The following SYMPK variants were observed in gnomAD, a reference collection of about 807,000 sequenced individuals.
SYMPK encodes the protein symplekin scaffold protein.
In SYMPK, 49 loss-of-function variants were observed where a neutral mutation model predicts 136.4. The observed-to-expected ratio is 0.36, with a 90% CI of 0.29 to 0.46. The LOEUF is 0.46. Among genes scored for constraint, SYMPK ranks in the 20% least tolerant of loss-of-function variants. The pLI is 1.00. For missense variants in SYMPK, 1,365 were observed against 1,690.0 expected (o/e 0.81, Z 3.37); for synonymous variants, 766 against 713.0 (o/e 1.07, Z -1.19).
chr19:45,861,868 A>G (rs1971975070), intron 1 of SYMPK: 1 of 152,036 alleles, frequency 6.6e-6, no homozygotes, highest in East Asian at 1.9e-4. Flanking sequence ...AACACAGAGA[A>G]ACCCCGTCTC....
rs1051312304 is a variant in SYMPK at position 45,856,617 on chromosome 19, T to G, written c.-12-2110A>C. ...GGCTAAGTATACTATTATTTTTATG[T>G]ACATGGGAAAAGATCTGAAGGCTAC... On this transcript the variant is annotated intron_variant, in intron 1 of 26. Coordinates refer to ENST00000245934, the MANE Select transcript of SYMPK (RefSeq NM_004819.3). Among the ~76,000 whole-genome samples, 3 of 152,266 alleles carry G rather than the reference T, an allele frequency of 2.0e-5. No homozygotes were observed. The South Asian group carries it at 6.2e-4, about 32-fold the overall frequency.
Position 45,847,917 on chromosome 19 carries a change from G to A in SYMPK, c.511C>T (p.Leu171=), listed in dbSNP as rs1971606293. ...VSAMAGDIIL[L]LDSDNDGIRT... The stretch of plus-strand genomic sequence containing the variant: ...ATGCCGTCATTGTCAGAGTCCAATA[G>A]CAGGATGATGTCCCCCGCCATGGCA... Residue 171 remains leucine (L), a synonymous_variant, in exon 7 of 27, where the codon CTA becomes TTA. Coordinates refer to ENST00000245934, the MANE Select transcript of SYMPK (RefSeq NM_004819.3). The A allele has an allele frequency of 6.2e-7, 1 of 1,613,632 alleles. No individual in the cohort carries two copies. The highest frequency in any genetic ancestry group is 1.1e-5 in the South Asian group (1 of 90,998).
intron 8 of SYMPK, chr19:45,842,890 T>C (rs143591636): frequency 1.5e-5 from 3 of 199,886 alleles, no homozygotes; most frequent in Non-Finnish European, 3.1e-5. Context: ...ATGGTCACCC[T>C]GATAAGTGAG....
intron 10 of SYMPK, among the ~76,000 whole-genome samples, chr19:45,836,358 C>T (rs1354835695): frequency 6.6e-6 from 1 of 152,012 alleles, no homozygotes; most frequent in Non-Finnish European, 1.5e-5. Context: ...ATACTGGGCA[C>T]GGTGGCTCAT....
chr19:45,820,164 A>C (rs1970854775), intron 22 of SYMPK: 1 of 152,250 alleles, frequency 6.6e-6, no homozygotes, highest in Admixed American at 6.5e-5. Flanking sequence ...TGGGTCCACA[A>C]ATGGCCTTGG....
chr19:45,822,276 G>T (rs796657879), intron 21 of SYMPK, among the ~76,000 whole-genome samples: 1 of 151,976 alleles, frequency 6.6e-6, no homozygotes, highest in East Asian at 1.9e-4. Flanking sequence ...CCGCCACCAC[G>T]CCTGGCTAAT....
chr19:45,827,138 G>C (rs775093420), intron 16 of SYMPK, among the ~76,000 whole-genome samples: 2 of 152,132 alleles, frequency 1.3e-5, no homozygotes, highest in African/African-American at 4.8e-5. Flanking sequence ...AGGCCACACC[G>C]GCTCCCCTGC....
intron 7 of SYMPK, among the ~76,000 whole-genome samples, chr19:45,846,164 A>C (rs1053438442): frequency 6.6e-6 from 1 of 152,198 alleles, no homozygotes; most frequent in African/African-American, 2.4e-5. Context: ...TGAACACGGG[A>C]GGCGGAGCAT....
intron 6 of SYMPK, among the ~76,000 whole-genome samples, chr19:45,848,317 T>C (rs1971615670): frequency 6.6e-6 from 1 of 152,230 alleles, no homozygotes; most frequent in Non-Finnish European, 1.5e-5. Context: ...AATGGATTCA[T>C]TCGTTTTATT....
chr19:45,848,171 G>A (rs1568623356), intron 6 of SYMPK, among the ~76,000 whole-genome samples, 170 bp from the exon 7 acceptor site: 1 of 152,188 alleles, frequency 6.6e-6, no homozygotes, highest in Non-Finnish European at 1.5e-5. Context: ...CGGTGATGCT[G>A]GAGACAGGAC....
intron 9 of SYMPK, among the ~76,000 whole-genome samples, chr19:45,840,534 A>G (rs1475736088): frequency 6.6e-6 from 1 of 151,618 alleles, no homozygotes; most frequent in Non-Finnish European, 1.5e-5. Flanking sequence ...ATGGTGGCAC[A>G]TGCCTGTAAT....
chr19:45,854,300 C>T, intron 2 of SYMPK, 60 bp from the exon 3 acceptor site: 1 of 1,606,610 alleles, frequency 6.2e-7, no homozygotes. Context: ...GTGCAGCCCC[C>T]TCGGCACTCC....
intron 22 of SYMPK, chr19:45,820,373 T>C (rs1428792300): frequency 1.3e-5 from 2 of 152,250 alleles, no homozygotes. Context: ...CTGGGTTTTA[T>C]AATGTGGGTT....
At position 45,848,844 on chromosome 19, in the gene SYMPK, A is replaced by G. The variant is rs755729561; in HGVS notation, c.332T>C (p.Ile111Thr). 28 of 1,614,052 alleles carry G rather than the reference A, an allele frequency of 1.7e-5. No homozygotes were observed. The highest frequency in any genetic ancestry group is 7.6e-6 in the Non-Finnish European group (9 of 1,180,026). The stretch of plus-strand genomic sequence containing the variant: ...CCTCAAGAGCATGTTGAGGTTTGCA[A>G]TGAGTTTCAGCAGCAACTCAATGTC... ...KRDIELLLKL[I>T]ANLNMLLRDE... Residue 111 changes from isoleucine (I) to threonine (T), a missense_variant, in exon 6 of 27, where the codon ATT becomes ACT. Transcript: ENST00000245934.
At chr19:45,835,782 T>C (rs1410210595) in intron 10 of SYMPK, among the ~76,000 whole-genome samples, 3 of 151,940 alleles carry the variant, frequency 2.0e-5, no homozygotes, top group East Asian at 1.9e-4. Context: ...CGCAGCAGCA[T>C]GTGCCTGTAA....
chr19:45,820,090 G>A (rs1970853590), intron 22 of SYMPK: 1 of 152,326 alleles, frequency 6.6e-6, no homozygotes, highest in Non-Finnish European at 1.5e-5. Flanking sequence ...CTGGCTCCTG[G>A]TGGCCTGTGT....
intron 17 of SYMPK, 49 bp from the exon 18 acceptor site, chr19:45,825,380 C>T: frequency 1.3e-6 from 2 of 1,582,510 alleles, no homozygotes; most frequent in Non-Finnish European, 1.7e-6. Flanking sequence ...CTTCTCCAAC[C>T]CCCTCGGACC....
chr19:45,853,737 C>T (rs545783263), intron 3 of SYMPK, among the ~76,000 whole-genome samples: 10 of 152,282 alleles, frequency 6.6e-5, no homozygotes, highest in African/African-American at 2.4e-4. Flanking sequence ...CAGGAGCTCC[C>T]TCTGGGCTCC....
rs1970911174 is a variant in SYMPK at position 45,821,947 on chromosome 19, G to T, written c.2792-462C>A. 6.6e-6 allele frequency among the ~76,000 whole-genome samples: 1 copy of T among 152,132 alleles called. No individual in the cohort carries two copies. The highest frequency in any genetic ancestry group is 2.4e-5 in the African/African-American group (1 of 41,428). Reference sequence around the variant, plus strand: ...GGGGAGTGGAGGGGAGGCTGGTGGAGTGGCTCTTTGCTGCTGCTATTTTGA... The same window carrying T: ...GGGGAGTGGAGGGGAGGCTGGTGGATTGGCTCTTTGCTGCTGCTATTTTGA... On this transcript the variant is annotated intron_variant, in intron 21 of 26. Coordinates refer to ENST00000245934, the MANE Select transcript of SYMPK (RefSeq NM_004819.3). The surrounding 1 kb of genome is among the most constrained non-coding windows in gnomAD (Gnocchi z 4.4).
Sources: gnomAD v4.1 joint callset for allele counts (sites outside exome capture counted in the v4.1 genomes callset) on GRCh38, gnomAD v4.1.1 for gene constraint, Gnocchi (gnomAD v3.1) non-coding constraint, MANE v1.5 for transcripts, NCBI Gene and HGNC (gene_info 2026-07-23, HGNC 2026-07-21) for gene names.